The following USP50 variants were observed in gnomAD, a reference collection of about 807,000 sequenced individuals.
USP50 encodes ubiquitin specific peptidase 50, also known as ubiquitin carboxyl-terminal hydrolase 50.
In USP50, 37 loss-of-function variants were observed where a neutral mutation model predicts 39.2. That is an observed-to-expected ratio of 0.94 (90% CI 0.73 to 1.24). USP50 has a LOEUF of 1.24. USP50 is among the 50% of genes most tolerant of loss of function. The pLI, the probability that USP50 is intolerant of heterozygous loss-of-function variation, is 0.00. For missense variants in USP50, 374 were observed against 398.2 expected, an observed-to-expected ratio of 0.94 and a Z score of 0.52; for synonymous variants, 139 against 144.5, an observed-to-expected ratio of 0.96 and a Z score of 0.27.
intron 1 of USP50, chr15:50,494,370 T>C (rs752792707): frequency 3.7e-5 from 42 of 1,133,722 alleles, no homozygotes; most frequent in Non-Finnish European, 5.0e-5. Context: ...TTCTAGTTGG[T>C]GATAGTTCAG....
intron 5 of USP50, among the ~76,000 whole-genome samples, chr15:50,534,208 T>C (rs985324040): frequency 3.9e-5 from 6 of 152,196 alleles, no homozygotes; most frequent in African/African-American, 1.4e-4. Context: ...ATCATATATA[T>C]TCTTGTGTAT....
chr15:50,517,926 G>A (rs910123850), intron 6 of USP50, among the ~76,000 whole-genome samples: 9 of 152,262 alleles, frequency 5.9e-5, no homozygotes, highest in African/African-American at 2.2e-4. Context: ...ACCATGGCTG[G>A]TCTCTAACTA....
chr15:50,527,312 C>G (rs1295462025), intron 6 of USP50, among the ~76,000 whole-genome samples: 1 of 152,190 alleles, frequency 6.6e-6, no homozygotes, highest in Non-Finnish European at 1.5e-5. Context: ...TCAAGTGATT[C>G]TCCTGCCTCA....
chr15:50,513,940 C>A (rs1012216216), intron 6 of USP50: 1 of 152,144 alleles, frequency 6.6e-6, no homozygotes. Context: ...GAACTGTGTA[C>A]ACTATGTTCA....
At chr15:50,520,475 T>C (rs2052840117) in intron 6 of USP50, among the ~76,000 whole-genome samples, 1 of 151,932 alleles carries the variant, frequency 6.6e-6, no homozygotes, top group South Asian at 2.1e-4. Flanking sequence ...CTAATGTTTA[T>C]TTTTTGTAGA....
At position 50,500,607 on chromosome 15, in the gene USP50, G is replaced by GCTGA. The variant is rs1248522890; in HGVS notation, c.*158_*161dup. 1 of 597,824 alleles carries GCTGA rather than the reference G, an allele frequency of 1.7e-6. No individual in the cohort carries two copies. The highest frequency in any genetic ancestry group is 2.9e-6 in the Non-Finnish European group (1 of 340,950). 37.0% of individuals were successfully genotyped at this position (597,824 alleles called of 1,614,324 possible). On this transcript the variant is annotated 3_prime_UTR_variant, in exon 7 of 7. Transcript: ENST00000532404. ...ACCAAGCAAAACTCTACCACCAGAT[G>GCTGA]CTGACTGCTTGTTTTGCAGTGTTCA... is the stretch of plus-strand genomic sequence containing the variant.
intron 5 of USP50, among the ~76,000 whole-genome samples, chr15:50,537,897 A>AG (rs1186135278): frequency 1.7e-4 from 3 of 17,572 alleles, no homozygotes; most frequent in African/African-American, 4.0e-4. Flanking sequence ...AGGGGAGGGG[A>AG]GGGAAGGGGA....
At chr15:50,526,150 C>T (rs2141368091) in intron 6 of USP50, among the ~76,000 whole-genome samples, 1 of 152,226 alleles carries the variant, frequency 6.6e-6, no homozygotes, top group Admixed American at 6.5e-5. Flanking sequence ...CCTCAACCTC[C>T]CAGGCTCAAG....
Position 50,541,066 on chromosome 15 carries a change from A to G in USP50, c.643T>C (p.Tyr215His). 1 of 1,613,728 alleles carries G rather than the reference A, an allele frequency of 6.2e-7. No homozygotes were observed. The highest frequency in any genetic ancestry group is 8.5e-7 in the Non-Finnish European group (1 of 1,179,676). The change falls in exon 4 of 7, where the codon TAT becomes CAT. Residue 215 changes from tyrosine to histidine, a missense_variant. By Grantham distance (83) the Tyr-to-His change is moderately conservative. Coordinates refer to ENST00000532404, the MANE Select transcript of USP50 (RefSeq NM_203494.5). Reference sequence around the variant, plus strand: ...ATTCCTACCCGAAGGGAGCATTCATATTTGGATGGAATGGGGAGTGAGAAG... The same window carrying G: ...ATTCCTACCCGAAGGGAGCATTCATGTTTGGATGGAATGGGGAGTGAGAAG... ...TVFSLPIPSK[Y>H]ECSLRDCLQC...
rs28840444 is a variant in USP50 at position 50,535,911 on chromosome 15, A to G, written c.803+2798T>C. Among the ~76,000 whole-genome samples, 1,185 of 152,338 alleles carry G rather than the reference A, an allele frequency of 7.8e-3. 18 individuals carry two copies. The highest frequency in any genetic ancestry group is 0.027 in the African/African-American group (1,136 of 41,578). On this transcript the variant is annotated intron_variant, in intron 5 of 6. Coordinates refer to ENST00000532404, the MANE Select transcript of USP50 (RefSeq NM_203494.5). ...CAATCAAATCAACAGACACAGAAAA[A>G]GTGTCTGACAAAATCCAATACCCAT...
intron 5 of USP50, among the ~76,000 whole-genome samples, chr15:50,533,568 G>T (rs2052958218): frequency 6.6e-6 from 1 of 152,094 alleles, no homozygotes; most frequent in African/African-American, 2.4e-5. Context: ...AAAAAATATT[G>T]AAAGTGTTAA....
At chr15:50,498,386 C>T (rs1287482434), downstream of USP50, 1 of 553,442 alleles carries the variant, frequency 1.8e-6, no homozygotes, top group Non-Finnish European at 3.0e-6. Flanking sequence ...ACCTTAGGCA[C>T]ATCATTAAAT....
At chr15:50,545,109 T>A (rs2053061378) in intron 1 of USP50, among the ~76,000 whole-genome samples, 1 of 152,008 alleles carries the variant, frequency 6.6e-6, no homozygotes, top group East Asian at 1.9e-4. Flanking sequence ...CAAAATTACA[T>A]AACTTAGACC....
At chr15:50,493,826 A>G, downstream of USP50, 1 of 648,750 alleles carries the variant, frequency 1.5e-6, no homozygotes, top group South Asian at 1.5e-5. Context: ...CCTCGCTGTC[A>G]TGAACTGGAG....
chr15:50,496,136 T>C (rs2141327161), downstream of USP50: 2 of 1,410,212 alleles, frequency 1.4e-6, no homozygotes, highest in Non-Finnish European at 2.0e-6. Context: ...AATGCTGTTT[T>C]TATGGATATA....
chr15:50,518,939 T>C (rs1394385055), intron 6 of USP50, among the ~76,000 whole-genome samples: 2 of 152,066 alleles, frequency 1.3e-5, no homozygotes, highest in Admixed American at 6.6e-5. Flanking sequence ...ATCCAGAATA[T>C]ACAAGGAACT....
Position 50,543,786 on chromosome 15 carries a change from T to C in USP50, c.256A>G (p.Ser86Gly). The C allele has an allele frequency of 1.2e-6, 2 of 1,606,760 alleles. No individual in the cohort carries two copies. The highest frequency in any genetic ancestry group is 4.5e-5 in the East Asian group (2 of 44,800). ...TAGGCAAAAGCAGTGGCAACTTCAC[T>C]GCAATCGCTTGGAAGAAGAAAGGGA... Reference protein sequence around the residue: ...KYITALQNDCSEVATAFAYLM... With the variant: ...KYITALQNDCGEVATAFAYLM... Residue 86 changes from serine (S) to glycine (G), a missense_variant, in exon 3 of 7, where the codon AGT becomes GGT. Transcript: ENST00000532404.
At chr15:50,514,450 C>A (rs1469265671) in intron 6 of USP50, 1 of 152,208 alleles carries the variant, frequency 6.6e-6, no homozygotes, top group Non-Finnish European at 1.5e-5. Flanking sequence ...GTATTCCCAG[C>A]ACTTTGAGAG....
At chr15:50,525,578 GTA>G (rs2052885087) in intron 6 of USP50, among the ~76,000 whole-genome samples, 1 of 141,216 alleles carries the variant, frequency 7.1e-6, no homozygotes, top group Non-Finnish European at 1.5e-5. Context: ...ATATGTATAT[GTA>G]TATATGTATA....
Sources: allele counts gnomAD v4.1 joint callset (sites outside exome capture counted in the v4.1 genomes callset), GRCh38; gene constraint gnomAD v4.1.1; transcripts MANE v1.5; gene names NCBI Gene and HGNC (gene_info 2026-07-23, HGNC 2026-07-21).